The following TOGARAM2 variants were observed in gnomAD, a reference collection of about 807,000 sequenced individuals.
TOGARAM2 encodes the protein TOG array regulator of axonemal microtubules protein 2.
Under a neutral mutation model 93.3 loss-of-function variants are expected in TOGARAM2, and 85 were observed. That is an observed-to-expected ratio of 0.91 (90% CI 0.76 to 1.09). The LOEUF is 1.09. TOGARAM2 is among the 50% of genes least tolerant of loss of function. The pLI is 0.00. For synonymous variants in TOGARAM2, 593 were observed against 552.8 expected, an observed-to-expected ratio of 1.07 and a Z score of -1.02; for missense variants, 1,277 against 1,334.5, an observed-to-expected ratio of 0.96 and a Z score of 0.67.
chr2:28,971,775 G>T (rs151216184), intron 1 of TOGARAM2, among the ~76,000 whole-genome samples: 1 of 152,148 alleles, frequency 6.6e-6, no homozygotes, highest in Non-Finnish European at 1.5e-5. Flanking sequence ...CTTGAGGTCT[G>T]ATTTTTCTTG....
intron 6 of TOGARAM2, among the ~76,000 whole-genome samples, chr2:29,004,626 ATGTG>A (rs1422557829): frequency 3.5e-5 from 3 of 85,704 alleles, no homozygotes; most frequent in Non-Finnish European, 6.2e-5. Context: ...GCCTGCAGGT[ATGTG>A]TGAGTGTATG....
At chr2:28,963,730 G>A (rs1189909843) in intron 1 of TOGARAM2, among the ~76,000 whole-genome samples, 3 of 152,116 alleles carry the variant, frequency 2.0e-5, no homozygotes, top group Admixed American at 6.5e-5. Context: ...GTACCTGGCC[G>A]AATGCGGTGG....
chr2:28,982,778 T>C (rs762335433), intron 1 of TOGARAM2, among the ~76,000 whole-genome samples: 7 of 152,134 alleles, frequency 4.6e-5, no homozygotes, highest in Non-Finnish European at 1.0e-4. Flanking sequence ...ATAAAATGCA[T>C]GCAGTGTGAG....
intron 1 of TOGARAM2, among the ~76,000 whole-genome samples, chr2:28,964,609 TA>T (rs1305077206): frequency 6.6e-6 from 1 of 152,054 alleles, no homozygotes; most frequent in Non-Finnish European, 1.5e-5. Flanking sequence ...CAGAATGCAT[TA>T]GCTATTTTTC....
intron 1 of TOGARAM2, among the ~76,000 whole-genome samples, chr2:28,965,725 C>T (rs1292135084): frequency 6.6e-6 from 1 of 152,174 alleles, no homozygotes; most frequent in Non-Finnish European, 1.5e-5. Context: ...TGCCTACCTC[C>T]CTCTTCTCTA....
chr2:29,015,993 C>T (rs1664544247), intron 8 of TOGARAM2, among the ~76,000 whole-genome samples: 1 of 152,188 alleles, frequency 6.6e-6, no homozygotes, highest in Non-Finnish European at 1.5e-5. Context: ...CCTAGACCTT[C>T]CCTTGACCTC....
At chr2:29,038,973 A>G (rs1666275267) in intron 18 of TOGARAM2, among the ~76,000 whole-genome samples, 1 of 152,190 alleles carries the variant, frequency 6.6e-6, no homozygotes, top group Non-Finnish European at 1.5e-5. Flanking sequence ...CCTAGGGTAG[A>G]ATCTGCCTCT....
intron 1 of TOGARAM2, among the ~76,000 whole-genome samples, chr2:28,982,180 C>T (rs1364144790): frequency 6.6e-6 from 1 of 152,202 alleles, no homozygotes; most frequent in Non-Finnish European, 1.5e-5. Context: ...AGCCCATGCG[C>T]AGAATGGAAG....
At chr2:28,999,880 G>A (rs573360946) in intron 4 of TOGARAM2, among the ~76,000 whole-genome samples, 4 of 152,156 alleles carry the variant, frequency 2.6e-5, no homozygotes, top group East Asian at 1.9e-4. Flanking sequence ...CTCTGCCTTC[G>A]GTCTCTGCTG....
At chr2:29,045,220 G>C in intron 18 of TOGARAM2, 104 bp from the exon 19 acceptor site, 1 of 827,592 alleles carries the variant, frequency 1.2e-6, no homozygotes, top group Non-Finnish European at 1.9e-6. Flanking sequence ...TCCCCCAAAG[G>C]CCTCATCCCC....
chr2:29,047,821 A>C (rs976378740), intron 19 of TOGARAM2: 2 of 151,606 alleles, frequency 1.3e-5, no homozygotes, highest in Non-Finnish European at 2.9e-5. Context: ...AACACGCCTC[A>C]CTCTGTGGAA....
chr2:28,989,626 T>C (rs1018526862), intron 1 of TOGARAM2, among the ~76,000 whole-genome samples: 1 of 151,758 alleles, frequency 6.6e-6, no homozygotes, highest in South Asian at 2.1e-4. Flanking sequence ...TTGCCCAGGC[T>C]GGTCTTGAAC....
At position 28,999,402 on chromosome 2, in the gene TOGARAM2, A is replaced by G. The variant is rs1235640247; in HGVS notation, c.361A>G (p.Thr121Ala). The change falls in exon 4 of 20, where the codon ACC (threonine) becomes GCC (alanine). Residue 121 changes from threonine to alanine, a missense_variant. Thr to Ala is a moderately conservative substitution (Grantham distance 58). Coordinates refer to ENST00000379558, the MANE Select transcript of TOGARAM2 (RefSeq NM_199280.4). ...AGAGGCCAACAGCGTGGCCAGGGAC[A>G]CCATCCAGATTAAGGACAAGCTCAA... ...ESEANSVARD[T>A]IQIKDKLKKR... is the part of the protein sequence containing the mutation. 6.2e-7 allele frequency: 1 copy of G among 1,613,238 alleles called. No homozygotes were observed. Among genetic ancestry groups the G allele is most frequent in the East Asian group, 2.2e-5 (1 of 44,862 alleles).
rs796958530 is a variant in TOGARAM2 at position 29,000,218 on chromosome 2, C to T, written c.427+750C>T. 7.2e-5 allele frequency among the ~76,000 whole-genome samples: 11 copies of T among 152,142 alleles called. 1 individual carries two copies. Among genetic ancestry groups the T allele is most frequent in the African/African-American group, 2.4e-4 (10 of 41,490 alleles). On this transcript the variant is annotated intron_variant, in intron 4 of 19. Coordinates refer to ENST00000379558, the MANE Select transcript of TOGARAM2 (RefSeq NM_199280.4). Reference sequence around the variant, plus strand: ...CTGAGATCTCGGTGTGAGGCACAGTCGCTTGGCAGCTAGGAGGCTCTCAAG... The same window carrying T: ...CTGAGATCTCGGTGTGAGGCACAGTTGCTTGGCAGCTAGGAGGCTCTCAAG...
upstream of TOGARAM2, among the ~76,000 whole-genome samples, chr2:28,976,591 G>A (rs1672040685): frequency 6.6e-6 from 1 of 152,170 alleles, no homozygotes; most frequent in African/African-American, 2.4e-5. Flanking sequence ...TGAGGGGTTG[G>A]CTTCTGTTGG....
chr2:28,996,315 A>T (rs1672986592), intron 2 of TOGARAM2, among the ~76,000 whole-genome samples: 1 of 152,134 alleles, frequency 6.6e-6, no homozygotes, highest in Non-Finnish European at 1.5e-5. Flanking sequence ...TAGTCACCCT[A>T]CTATACTATC....
At chr2:29,000,904 CA>C (rs1363482045) in intron 4 of TOGARAM2, among the ~76,000 whole-genome samples, 1 of 152,238 alleles carries the variant, frequency 6.6e-6, no homozygotes, top group African/African-American at 2.4e-5. Context: ...GCCAGACCAA[CA>C]ACTCTCTCCC....
chr2:28,975,637 T>A (rs1672016963), intron 1 of TOGARAM2, among the ~76,000 whole-genome samples: 1 of 152,248 alleles, frequency 6.6e-6, no homozygotes, highest in African/African-American at 2.4e-5. Flanking sequence ...TGATTGCCTC[T>A]TCTCATTCAA....
At chr2:28,969,372 G>A (rs1349330013) in intron 1 of TOGARAM2, among the ~76,000 whole-genome samples, 1 of 152,242 alleles carries the variant, frequency 6.6e-6, no homozygotes, top group Non-Finnish European at 1.5e-5. Flanking sequence ...AGTCGTGAGT[G>A]CTACAGTGGA....
Sources: gnomAD v4.1 joint callset for allele counts (sites outside exome capture counted in the v4.1 genomes callset) on GRCh38, gnomAD v4.1.1 for gene constraint, MANE v1.5 for transcripts, NCBI Gene and HGNC (gene_info 2026-07-23, HGNC 2026-07-21) for gene names.